CELSR1: variants seen among roughly 807,000 people sequenced by gnomAD.
CELSR1 encodes adhesion G protein-coupled receptor C1.
In CELSR1, 110 loss-of-function variants were observed where a neutral mutation model predicts 249.1. The observed-to-expected ratio is 0.44, with a 90% CI of 0.38 to 0.52. The LOEUF (loss-of-function observed/expected upper bound fraction) is 0.52. CELSR1 is among the 20% of genes least tolerant of loss of function. The pLI, the probability that CELSR1 is intolerant of heterozygous loss-of-function variation, is 0.00. For missense variants in CELSR1, 4,109 were observed against 4,296.4 expected (o/e 0.96, Z 1.22); for synonymous variants, 2,113 against 1,900.0 (o/e 1.11, Z -2.92).
rs1235048081 is a variant in CELSR1, at chr22:46,433,528, G to T, written c.4523-47C>A. 3.4e-6 allele frequency: 5 copies of T among 1,481,782 alleles called. No individual in the cohort carries two copies. Among genetic ancestry groups the T allele is most frequent in the South Asian group, 2.3e-5 (2 of 86,276 alleles). The allele number at this position is 1,481,782 out of a possible 1,614,324, so 91.8% of individuals were successfully genotyped here. A position where few individuals can be genotyped will look rare whatever the true frequency, so the allele number is the denominator to read the frequency against. On this transcript the variant is annotated intron_variant, in intron 4 of 34. Transcript: ENST00000674500. The surrounding 1 kb of genome is among the most constrained non-coding windows in gnomAD (Gnocchi z 5.7). ...CAGAGAGAAAACAGGGGTTGGCGGG[G>T]CCTACTGGGGACCGAGGATTGCGCT...
rs565740796 is a variant in CELSR1 at position 46,517,225 on chromosome 22, T to G, written c.3544+16402A>C. On this transcript the variant is annotated intron_variant, in intron 1 of 34. Transcript: ENST00000674500. This position sits in a 1 kb window ranked among gnomAD's most constrained non-coding sequence, Gnocchi z 5.4. The stretch of plus-strand genomic sequence containing the variant: ...TGGCCCCTGAAGGGGCTTGGCCCAT[T>G]TTCCCACTGCTCCACCTTTGCTCTG... Among the ~76,000 whole-genome samples the G allele has an allele frequency of 6.4e-4, 98 of 152,342 alleles. No homozygotes were observed. The highest frequency in any genetic ancestry group is 2.3e-3 in the African/African-American group (95 of 41,578).
chr22:46,466,904 C>T (rs574157847), intron 1 of CELSR1, among the ~76,000 whole-genome samples: 3 of 152,188 alleles, frequency 2.0e-5, no homozygotes, highest in Non-Finnish European at 2.9e-5. Context: ...CAGGAAGAGA[C>T]AGCAGAGAGC....
chr22:46,456,606 T>G (rs1185635669), intron 2 of CELSR1, among the ~76,000 whole-genome samples: 2 of 133,210 alleles, frequency 1.5e-5, no homozygotes, highest in Non-Finnish European at 3.0e-5. Flanking sequence ...GAGCTTGCAG[T>G]GAGCCGAGAT....
rs1364549028 is a variant in CELSR1, at chr22:46,518,984, G to T, written c.3544+14643C>A. Reference sequence around the variant, plus strand: ...GGAGGCAAAGGTTGCAATGAGCCAAGATTGAGCCACTGTACTCCAGCCTGG... The same window carrying T: ...GGAGGCAAAGGTTGCAATGAGCCAATATTGAGCCACTGTACTCCAGCCTGG... On this transcript the variant is annotated intron_variant, in intron 1 of 34. Coordinates refer to ENST00000674500, the MANE Select transcript of CELSR1 (RefSeq NM_001378328.1). The surrounding 1 kb of genome is among the most constrained non-coding windows in gnomAD (Gnocchi z 5.2). Among the ~76,000 whole-genome samples, 1 of 151,958 alleles carries T rather than the reference G, an allele frequency of 6.6e-6. No individual in the cohort carries two copies. The highest frequency in any genetic ancestry group is 1.5e-5 in the Non-Finnish European group (1 of 67,980).
intron 2 of CELSR1, among the ~76,000 whole-genome samples, chr22:46,457,526 T>G (rs1210062499): frequency 6.6e-6 from 1 of 152,142 alleles, no homozygotes; most frequent in Non-Finnish European, 1.5e-5. Context: ...CTCCAAGATG[T>G]TCAGCCTTGC....
rs112468553 is a variant in CELSR1, at chr22:46,401,874, G to C, written c.5227-1972C>G. ...GACCAAGGCGGGTGGATCACCTGAG[G>C]TCAGGAGTTTGAGACCAGCCTGACC... On this transcript the variant is annotated intron_variant, in intron 9 of 34. Transcript: ENST00000674500. This position sits in a 1 kb window ranked among gnomAD's most constrained non-coding sequence, Gnocchi z 4.7. Among the ~76,000 whole-genome samples the C allele has an allele frequency of 1.7e-3, 253 of 152,220 alleles. 1 individual carries two copies. Among genetic ancestry groups the C allele is most frequent in the African/African-American group, 5.5e-3 (229 of 41,522 alleles).
intron 9 of CELSR1, 135 bp from the exon 10 acceptor site, chr22:46,400,037 T>G (rs2079194671): frequency 1.0e-6 from 1 of 970,966 alleles, no homozygotes. Flanking sequence ...GCTTAAAAAT[T>G]AGGCAAAGTT....
At chr22:46,377,493 G>C in intron 23 of CELSR1, 1 of 566,676 alleles carries the variant, frequency 1.8e-6, no homozygotes, top group South Asian at 2.0e-5. Flanking sequence ...CAGCACGCCA[G>C]GCTCCCTCCA....
At chr22:46,457,863 C>G (rs1290784494) in intron 2 of CELSR1, among the ~76,000 whole-genome samples, 1 of 152,192 alleles carries the variant, frequency 6.6e-6, no homozygotes, top group Non-Finnish European at 1.5e-5. Flanking sequence ...TAGCTCAGCA[C>G]CAGAGGCAGC....
At chr22:46,455,419 G>A (rs1287918777) in intron 2 of CELSR1, among the ~76,000 whole-genome samples, 2 of 151,942 alleles carry the variant, frequency 1.3e-5, no homozygotes, top group East Asian at 1.9e-4. Flanking sequence ...TAGTACAGAC[G>A]GTGTTTCACC....
chr22:46,364,549 G>A lies in CELSR1; in HGVS notation c.8742C>T (p.Ala2914=), dbSNP rs758929443. The part of the protein sequence containing the change: ...YPPDQESGGA[A]RLASSQPPEQ... Reference sequence around the variant, plus strand: ...CTGGGGGCTGGCTGCTAGCAAGCCTGGCTGCGCCCCCGCTCTCCTGGTCCG... The same window carrying A: ...CTGGGGGCTGGCTGCTAGCAAGCCTAGCTGCGCCCCCGCTCTCCTGGTCCG... Residue 2914 remains alanine, a synonymous_variant, in exon 33 of 35, where the codon GCC becomes GCT. Transcript: ENST00000674500. 4 of 1,611,988 alleles carry A rather than the reference G, an allele frequency of 2.5e-6. No homozygotes were observed. Among genetic ancestry groups the A allele is most frequent in the Non-Finnish European group, 3.4e-6 (4 of 1,179,790 alleles).
intron 28 of CELSR1, among the ~76,000 whole-genome samples, 166 bp downstream of exon 28, chr22:46,367,563 C>T (rs1042862025): frequency 2.0e-5 from 3 of 152,216 alleles, no homozygotes; most frequent in South Asian, 2.1e-4. Context: ...CACCAGCCCC[C>T]GTGCCGGCTG....
chr22:46,476,980 T>C (rs2080215064), intron 1 of CELSR1, among the ~76,000 whole-genome samples: 2 of 152,204 alleles, frequency 1.3e-5, no homozygotes, highest in South Asian at 4.1e-4. Context: ...TGATTCTTAG[T>C]AAAAATTTGT....
At chr22:46,389,180 C>A in intron 18 of CELSR1, 110 bp downstream of exon 18, 1 of 1,213,064 alleles carries the variant, frequency 8.2e-7, no homozygotes, top group Non-Finnish European at 1.2e-6. Flanking sequence ...GGATCCTGGA[C>A]ACAACCGTCT....
At position 46,393,737 on chromosome 22, in the gene CELSR1, C is replaced by CAAA. The variant is rs527573754; in HGVS notation, c.5964+402_5964+404dup. 1.3e-5 allele frequency among the ~76,000 whole-genome samples: 1 copy of CAAA among 76,544 alleles called. No homozygotes were observed. The highest frequency in any genetic ancestry group is 1.5e-4 in the Admixed American group (1 of 6,454). 50.2% of individuals were successfully genotyped at this position (76,544 alleles called of 152,430 possible). A position where few individuals can be genotyped will look rare whatever the true frequency, so the allele number is the denominator to read the frequency against. On this transcript the variant is annotated intron_variant, in intron 14 of 34. Transcript: ENST00000674500. The surrounding 1 kb of genome is among the most constrained non-coding windows in gnomAD (Gnocchi z 4.1). ...TGGGCGACACAGCGAGACTCTGTCT[C>CAAA]AAAAAAAAAAAAAAAAAGACCAGGA...
chr22:46,383,206 CAG>C (rs982375754), intron 20 of CELSR1, among the ~76,000 whole-genome samples: 16 of 151,892 alleles, frequency 1.1e-4, no homozygotes, highest in African/African-American at 3.6e-4. Flanking sequence ...GACCCCACAT[CAG>C]AGTCACCCCT....
At chr22:46,443,187 T>C (rs1221630862) in intron 2 of CELSR1, among the ~76,000 whole-genome samples, 3 of 152,130 alleles carry the variant, frequency 2.0e-5, no homozygotes, top group Non-Finnish European at 4.4e-5. Context: ...CGAGGAGGGC[T>C]GAAATCGCTG....
intron 1 of CELSR1, among the ~76,000 whole-genome samples, chr22:46,523,559 T>TAAATAAATAAATAAATAAAA (rs1355440974): frequency 1.5e-5 from 2 of 130,786 alleles, no homozygotes; most frequent in African/African-American, 5.3e-5. Context: ...AATAAATAAA[T>TAAATAAATAAATAAATAAAA]AAAATAAAAA....
intron 19 of CELSR1, 72 bp from the exon 20 acceptor site, chr22:46,384,758 C>T: frequency 6.8e-7 from 1 of 1,472,086 alleles, no homozygotes; most frequent in East Asian, 2.3e-5. Flanking sequence ...TTCAAAATGA[C>T]CACAACTGTC....
Sources: allele counts gnomAD v4.1 joint callset (sites outside exome capture counted in the v4.1 genomes callset), GRCh38; gene constraint gnomAD v4.1.1; non-coding constraint Gnocchi (gnomAD v3.1); transcripts MANE v1.5; gene names NCBI Gene and HGNC (gene_info 2026-07-23, HGNC 2026-07-21).